Variants in SLC2A13 observed in about 807,000 individuals in gnomAD.
SLC2A13 encodes proton myo-inositol cotransporter.
In SLC2A13, 32 loss-of-function variants were observed where a neutral mutation model predicts 64.4. That is an observed-to-expected ratio of 0.50 (90% CI 0.37 to 0.67). The LOEUF (loss-of-function observed/expected upper bound fraction) is 0.67. SLC2A13 is among the 30% of genes least tolerant of loss of function. SLC2A13 has a pLI of 0.00. For synonymous variants in SLC2A13, 338 were observed against 327.1 expected, an observed-to-expected ratio of 1.03 and a Z score of -0.36; for missense variants, 743 against 829.2, an observed-to-expected ratio of 0.90 and a Z score of 1.28.
At chr12:39,847,356 C>T (rs1299006135) in intron 6 of SLC2A13, among the ~76,000 whole-genome samples, 4 of 152,090 alleles carry the variant, frequency 2.6e-5, no homozygotes, top group Non-Finnish European at 5.9e-5. Context: ...CTCCACCTCC[C>T]TCCTCCCGAC....
At chr12:39,853,577 T>C (rs1350506047) in intron 6 of SLC2A13, among the ~76,000 whole-genome samples, 6 of 151,758 alleles carry the variant, frequency 4.0e-5, no homozygotes, top group East Asian at 3.9e-4. Flanking sequence ...TTCCTTCCTT[T>C]CTTCCTTCCT....
chr12:40,039,121 G>A (rs1948039010), intron 2 of SLC2A13, among the ~76,000 whole-genome samples: 1 of 152,166 alleles, frequency 6.6e-6, no homozygotes. Context: ...TATCTTATTA[G>A]ATAAACTACA....
At chr12:39,881,482 T>G (rs1364347345) in intron 4 of SLC2A13, among the ~76,000 whole-genome samples, 1 of 152,164 alleles carries the variant, frequency 6.6e-6, no homozygotes, top group Non-Finnish European at 1.5e-5. Context: ...CAGACAACAC[T>G]TTTCACCTCG....
intron 3 of SLC2A13, among the ~76,000 whole-genome samples, chr12:39,998,889 T>C (rs1947277993): frequency 6.6e-6 from 1 of 152,164 alleles, no homozygotes; most frequent in Non-Finnish European, 1.5e-5. Context: ...CCACATGTTG[T>C]AGGAGAGACC....
At chr12:39,865,713 C>A (rs1163504095) in intron 5 of SLC2A13, among the ~76,000 whole-genome samples, 1 of 152,166 alleles carries the variant, frequency 6.6e-6, no homozygotes, top group Non-Finnish European at 1.5e-5. Context: ...AGAATGAGAT[C>A]ATGTCCTTTG....
chr12:40,027,521 AG>A (rs1380523941), intron 3 of SLC2A13, among the ~76,000 whole-genome samples: 10 of 152,200 alleles, frequency 6.6e-5, no homozygotes, highest in Admixed American at 6.5e-4. Flanking sequence ...CAAAAATGGT[AG>A]GAGAAAGTAG....
intron 3 of SLC2A13, among the ~76,000 whole-genome samples, chr12:39,963,286 C>CAAA (rs71434304): frequency 0.018 from 2,061 of 112,452 alleles, 59 homozygotes; most frequent in Non-Finnish European, 0.025. Flanking sequence ...GACTCCGTCT[C>CAAA]AAAAAAAAAA....
At position 39,864,099 on chromosome 12, in the gene SLC2A13, T is replaced by C. The variant is rs557316227; in HGVS notation, c.1319+663A>G. Among the ~76,000 whole-genome samples, 13 of 152,346 alleles carry C rather than the reference T, an allele frequency of 8.5e-5. No individual in the cohort carries two copies. The South Asian group carries it at 2.7e-3, about 32-fold the overall frequency. ...GCTGCCAAATATATTAATCGATGTG[T>C]CCAATCACTCAAAGTTTCATTTATG... is the stretch of plus-strand genomic sequence containing the variant. On this transcript the variant is annotated intron_variant, in intron 6 of 9. Coordinates refer to ENST00000280871, the MANE Select transcript of SLC2A13 (RefSeq NM_052885.4).
In SLC2A13 at chr12:40,106,042, T is replaced by C; in HGVS notation, c.-234A>G. Reference sequence around the variant, plus strand: ...GAGCCCGGCGGGTCTCACTCCACACTCACGCCCCGCGCCTGCCGAGCTGGC... The same window carrying C: ...GAGCCCGGCGGGTCTCACTCCACACCCACGCCCCGCGCCTGCCGAGCTGGC... On this transcript the variant is annotated 5_prime_UTR_variant, in exon 1 of 10. Transcript: ENST00000280871. 2.6e-6 allele frequency: 1 copy of C among 384,796 alleles called. No homozygotes were observed. Among genetic ancestry groups the C allele is most frequent in the South Asian group, 1.0e-4 (1 of 9,774 alleles). The allele number at this position is 384,796 out of a possible 1,614,324, so 23.8% of individuals were successfully genotyped here.
At chr12:39,961,063 G>A (rs150880225) in intron 3 of SLC2A13, among the ~76,000 whole-genome samples, 1 of 149,798 alleles carries the variant, frequency 6.7e-6, no homozygotes, top group Non-Finnish European at 1.5e-5. Context: ...TGATTTTAAA[G>A]AGAATGTTTT....
chr12:39,789,443 T>G (rs188200717), intron 7 of SLC2A13, among the ~76,000 whole-genome samples: 4 of 152,322 alleles, frequency 2.6e-5, no homozygotes, highest in Admixed American at 1.3e-4. Context: ...TTATCCCTGA[T>G]GTATACATCC....
chr12:39,871,723 T>C (rs1566888734), intron 5 of SLC2A13, 75 bp downstream of exon 5: 6 of 1,418,546 alleles, frequency 4.2e-6, no homozygotes, highest in South Asian at 1.5e-5. Context: ...GGTGTAAGTA[T>C]TGTATTTTTG....
chr12:39,916,065 T>G (rs1945517225), intron 4 of SLC2A13, among the ~76,000 whole-genome samples: 1 of 151,802 alleles, frequency 6.6e-6, no homozygotes, highest in Non-Finnish European at 1.5e-5. Flanking sequence ...AGAACTAGCC[T>G]TAGGAGTTGA....
chr12:39,853,978 C>T (rs961409017), intron 6 of SLC2A13, among the ~76,000 whole-genome samples: 3 of 151,994 alleles, frequency 2.0e-5, no homozygotes, highest in African/African-American at 7.2e-5. Flanking sequence ...AAAATAAAAT[C>T]CTAGTGTTTA....
At chr12:40,045,155 T>C (rs1435571898) in intron 2 of SLC2A13, among the ~76,000 whole-genome samples, 2 of 152,136 alleles carry the variant, frequency 1.3e-5, no homozygotes, top group Admixed American at 6.6e-5. Context: ...GGTATTGTAG[T>C]ATAAAATTTA....
intron 1 of SLC2A13, among the ~76,000 whole-genome samples, chr12:40,092,707 G>A (rs1171291554): frequency 6.6e-6 from 1 of 152,200 alleles, no homozygotes; most frequent in Admixed American, 6.5e-5. Flanking sequence ...AAGAGAATAA[G>A]AGGAGATTTC....
rs139137358 is a variant in SLC2A13, at chr12:40,080,023, G to A, written c.556+25230C>T. ...GTACAGCTGTACACCACCACACCTC[G>A]CTAATTTTTTGCATTCTTAGTAGAG... On this transcript the variant is annotated intron_variant, in intron 1 of 9. Coordinates refer to ENST00000280871, the MANE Select transcript of SLC2A13 (RefSeq NM_052885.4). Among the ~76,000 whole-genome samples, 566 of 152,060 alleles carry A rather than the reference G, an allele frequency of 3.7e-3. 4 individuals are homozygous for A. Among genetic ancestry groups the A allele is most frequent in the Admixed American group, 5.5e-3 (84 of 15,276 alleles).
At chr12:39,905,313 G>A (rs1945240665) in intron 4 of SLC2A13, among the ~76,000 whole-genome samples, 1 of 152,094 alleles carries the variant, frequency 6.6e-6, no homozygotes, top group African/African-American at 2.4e-5. Flanking sequence ...GATCCCAGAT[G>A]TAATCTGCTC....
intron 6 of SLC2A13, among the ~76,000 whole-genome samples, chr12:39,851,823 T>G (rs1189970018): frequency 1.3e-5 from 2 of 152,202 alleles, no homozygotes; most frequent in African/African-American, 4.8e-5. Flanking sequence ...TTTTCAAAAT[T>G]TATTTTCCAT....
Sources: gnomAD v4.1 joint callset for allele counts (sites outside exome capture counted in the v4.1 genomes callset) on GRCh38, gnomAD v4.1.1 for gene constraint, MANE v1.5 for transcripts, NCBI Gene and HGNC (gene_info 2026-07-23, HGNC 2026-07-21) for gene names.